PRKCD: variants seen among roughly 807,000 people sequenced by gnomAD.
PRKCD encodes protein kinase C delta type.
A neutral mutation model predicts 82.2 loss-of-function variants in PRKCD; 20 were observed. The ratio of observed to expected loss-of-function variants is 0.24; its 90% CI spans 0.17 to 0.35. PRKCD has a LOEUF of 0.35. Among genes scored for constraint, PRKCD ranks in the 10% least tolerant of loss-of-function variants. The pLI is 1.00. For missense variants in PRKCD, 607 were observed against 899.0 expected (o/e 0.68, Z 4.15); for synonymous variants, 317 against 337.0 (o/e 0.94, Z 0.65).
intron 14 of PRKCD, 21 bp downstream of exon 14, chr3:53,186,716 G>T: frequency 6.3e-7 from 1 of 1,597,656 alleles, no homozygotes; most frequent in Non-Finnish European, 8.6e-7. Context: ...GCCATGGTGG[G>T]GAAGGGCCCA....
At chr3:53,188,355 A>AAATGACT (rs1703792342) in intron 15 of PRKCD, among the ~76,000 whole-genome samples, 2 of 152,174 alleles carry the variant, frequency 1.3e-5, no homozygotes, top group Non-Finnish European at 2.9e-5. Context: ...GTATATACTC[A>AAATGACT]AATGACTAAT....
Position 53,185,909 on chromosome 3 carries a change from G to T in PRKCD, c.986-18G>T. On this transcript the variant is annotated intron_variant, in intron 11 of 18. Coordinates refer to ENST00000330452, the MANE Select transcript of PRKCD (RefSeq NM_006254.4). ...TAGACTGAGACCCCGATCTGAGGAG[G>T]TGCCATCTCTCGGGCAGACAACAGT... is the stretch of plus-strand genomic sequence containing the variant. 1.2e-6 allele frequency: 2 copies of T among 1,613,080 alleles called. No individual in the cohort carries two copies. The highest frequency in any genetic ancestry group is 3.3e-4 in the Middle Eastern group (2 of 6,058).
chr3:53,184,855 C>T lies in PRKCD; in HGVS notation c.788-19C>T, dbSNP rs1225032295. The T allele has an allele frequency of 4.0e-5, 65 of 1,611,500 alleles. No homozygotes were observed. The highest frequency in any genetic ancestry group is 6.7e-5 in the East Asian group (3 of 44,872). On this transcript the variant is annotated intron_variant, in intron 9 of 18. Transcript: ENST00000330452. The stretch of plus-strand genomic sequence containing the variant: ...GGCTGAGCTCTGAGACTGACAGCCC[C>T]GCTTCTCCCTCACCCCAGACTGCGG...
rs183638000 is a variant in PRKCD at position 53,162,621 on chromosome 3, T to G, written c.-132+1193T>G. 5.9e-4 allele frequency among the ~76,000 whole-genome samples: 90 copies of G among 152,210 alleles called. No individual in the cohort carries two copies. In the East Asian group the frequency reaches 0.01, roughly 17 times the overall value. On this transcript the variant is annotated intron_variant, in intron 1 of 18. Transcript: ENST00000330452. ...CTTGTGTGTATGTGTGTATGTCTGTTTGTGTCCTGAGGCTCTGTGTGTGTC... is the reference window on the plus strand; with the variant it reads ...CTTGTGTGTATGTGTGTATGTCTGTGTGTGTCCTGAGGCTCTGTGTGTGTC...
intron 13 of PRKCD, 131 bp from the exon 14 acceptor site, chr3:53,186,473 C>A: frequency 7.2e-7 from 1 of 1,387,818 alleles, no homozygotes; most frequent in Non-Finnish European, 1.0e-6. Flanking sequence ...CTCATGCCTC[C>A]CAGGGCAGAG....
intron 4 of PRKCD, among the ~76,000 whole-genome samples, chr3:53,180,904 C>CA (rs1238743581): frequency 6.6e-6 from 1 of 152,120 alleles, no homozygotes; most frequent in African/African-American, 2.4e-5. Context: ...AAGGGAGCTG[C>CA]AGCGGGTAGG....
At chr3:53,179,330 C>A (rs1301325981) in intron 3 of PRKCD, 5 of 611,400 alleles carry the variant, frequency 8.2e-6, no homozygotes, top group African/African-American at 5.4e-5. Flanking sequence ...TGCATAAGGG[C>A]AGGCGACATT....
rs1387451210 is a variant in PRKCD, at chr3:53,165,749, G to A, written c.-20+534G>A. Among the ~76,000 whole-genome samples the A allele has an allele frequency of 5.3e-5, 8 of 152,326 alleles. No homozygotes were observed. The East Asian group carries it at 1.4e-3, about 26-fold the overall frequency. ...ATTTTCCCCAGCTTCTCTGGAGCCC[G>A]AGCAGGGCTCAGTCCCTCTCTTCAG... On this transcript the variant is annotated intron_variant, in intron 2 of 18. Transcript: ENST00000330452.
chr3:53,184,501 C>A (rs1553668541), intron 9 of PRKCD, among the ~76,000 whole-genome samples: 1 of 152,006 alleles, frequency 6.6e-6, no homozygotes, highest in Non-Finnish European at 1.5e-5. Flanking sequence ...CATGGAAAAA[C>A]CCCGTCTCTA....
intron 9 of PRKCD, 66 bp downstream of exon 9, chr3:53,183,647 G>T (rs1212576590): frequency 6.3e-7 from 1 of 1,584,952 alleles, no homozygotes; most frequent in Non-Finnish European, 8.6e-7. Context: ...GTGAATTCCA[G>T]CCACCTCACG....
At chr3:53,185,756 A>T in intron 11 of PRKCD, 56 bp downstream of exon 11, 2 of 1,574,760 alleles carry the variant, frequency 1.3e-6, no homozygotes, top group Non-Finnish European at 1.7e-6. Flanking sequence ...GGCCAAAGAA[A>T]GGGGACTGTC....
chr3:53,173,877 C>T (rs1446885562), intron 2 of PRKCD, among the ~76,000 whole-genome samples: 1 of 152,132 alleles, frequency 6.6e-6, no homozygotes, highest in Non-Finnish European at 1.5e-5. Context: ...GGAGCCCTTA[C>T]CTCCCTGTTT....
chr3:53,182,337 C>T (rs1703477666), intron 7 of PRKCD, among the ~76,000 whole-genome samples: 1 of 152,010 alleles, frequency 6.6e-6, no homozygotes, highest in African/African-American at 2.4e-5. Context: ...TGTGCGATCT[C>T]AGCTCACTGT....
intron 2 of PRKCD, among the ~76,000 whole-genome samples, chr3:53,166,031 G>T (rs1045644168): frequency 6.6e-6 from 1 of 152,218 alleles, no homozygotes; most frequent in Non-Finnish European, 1.5e-5. Context: ...GAGTAACAGT[G>T]GGGGGATAGC....
chr3:53,183,381 G>A (rs1703538330), intron 8 of PRKCD, 71 bp from the exon 9 acceptor site: 5 of 1,599,686 alleles, frequency 3.1e-6, no homozygotes, highest in East Asian at 2.2e-5. Flanking sequence ...CAGGGTTGGG[G>A]GAGAGCTAGG....
chr3:53,183,222 G>T lies in PRKCD; in HGVS notation c.657+16G>T. 6.2e-7 allele frequency: 1 copy of T among 1,612,854 alleles called. No individual in the cohort carries two copies. Among genetic ancestry groups the T allele is most frequent in the Non-Finnish European group, 8.5e-7 (1 of 1,179,166 alleles). ...GGACACTATAGTGAGCCTGGGTCCG[G>T]GGCAGGGCTGGGGATCTGGGGGGCT... On this transcript the variant is annotated intron_variant, in intron 8 of 18. Coordinates refer to ENST00000330452, the MANE Select transcript of PRKCD (RefSeq NM_006254.4).
intron 2 of PRKCD, among the ~76,000 whole-genome samples, chr3:53,174,542 C>T (rs920216463): frequency 6.6e-6 from 1 of 152,196 alleles, no homozygotes; most frequent in African/African-American, 2.4e-5. Context: ...GCTGCTGCTT[C>T]ACCCCCATCT....
intron 14 of PRKCD, 127 bp from the exon 15 acceptor site, chr3:53,187,213 A>G (rs1375746496): frequency 1.0e-5 from 11 of 1,054,202 alleles, no homozygotes; most frequent in Non-Finnish European, 1.5e-5. Flanking sequence ...GTACTTGATC[A>G]TGCTCAGGTG....
At position 53,185,259 on chromosome 3, in the gene PRKCD, G is replaced by C. The variant is rs111638508; in HGVS notation, c.888+285G>C. Among the ~76,000 whole-genome samples, 221 of 152,296 alleles carry C rather than the reference G, an allele frequency of 1.5e-3. 1 individual carries two copies. Among genetic ancestry groups the C allele is most frequent in the African/African-American group, 4.8e-3 (200 of 41,528 alleles). On this transcript the variant is annotated intron_variant, in intron 10 of 18. Coordinates refer to ENST00000330452, the MANE Select transcript of PRKCD (RefSeq NM_006254.4). ...ACTTTGGGTGTGGACGTTTGTATGTGGGGGGGGCTTGAGGGATGCCACAAA... is the reference window on the plus strand; with the variant it reads ...ACTTTGGGTGTGGACGTTTGTATGTCGGGGGGGCTTGAGGGATGCCACAAA...
Sources: gnomAD v4.1 joint callset for allele counts (sites outside exome capture counted in the v4.1 genomes callset) on GRCh38, gnomAD v4.1.1 for gene constraint, MANE v1.5 for transcripts, NCBI Gene and HGNC (gene_info 2026-07-23, HGNC 2026-07-21) for gene names.